The following LRRC4C variants were observed in gnomAD, a reference collection of about 807,000 sequenced individuals.
The protein encoded by LRRC4C is leucine rich repeat containing 4C.
Under a neutral mutation model 33.6 loss-of-function variants are expected in LRRC4C, and 5 were observed. The ratio of observed to expected loss-of-function variants is 0.15; its 90% CI spans 0.08 to 0.31. The LOEUF is 0.31. Among genes scored for constraint, LRRC4C ranks in the 10% least tolerant of loss-of-function variants. The pLI is 1.00. For missense variants in LRRC4C, 560 were observed against 796.7 expected, an observed-to-expected ratio of 0.70 and a Z score of 3.58; for synonymous variants, 329 against 302.0, an observed-to-expected ratio of 1.09 and a Z score of -0.93.
intron 2 of LRRC4C, among the ~76,000 whole-genome samples, chr11:40,654,286 G>A (rs1364655230): frequency 6.6e-6 from 1 of 152,148 alleles, no homozygotes; most frequent in Non-Finnish European, 1.5e-5. Context: ...ACTGTGTGCT[G>A]GGAAAAGCCA....
chr11:40,423,876 G>A (rs998305034), intron 3 of LRRC4C, among the ~76,000 whole-genome samples: 2 of 152,052 alleles, frequency 1.3e-5, no homozygotes, highest in Non-Finnish European at 2.9e-5. Context: ...AAAGTGTATT[G>A]TATATTTCAT....
Position 40,775,864 on chromosome 11 carries a change from G to A in LRRC4C, c.-406-127586C>T, listed in dbSNP as rs987551461. The stretch of plus-strand genomic sequence containing the variant: ...TTATTATCTTGTACCCATTCTTAAG[G>A]GGAATGTTTTCTGCTTTTGACTGTT... On this transcript the variant is annotated intron_variant, in intron 2 of 6. Transcript: ENST00000528697. Among the ~76,000 whole-genome samples, 3 of 152,230 alleles carry A rather than the reference G, an allele frequency of 2.0e-5. No homozygotes were observed. The South Asian group carries it at 6.2e-4, about 32-fold the overall frequency.
intron 1 of LRRC4C, among the ~76,000 whole-genome samples, chr11:41,306,021 TAA>T (rs1158183443): frequency 2.7e-5 from 3 of 110,432 alleles, no homozygotes; most frequent in Admixed American, 8.9e-5. Flanking sequence ...TTTCTTTCTC[TAA>T]AAAAAAAAAA....
At chr11:40,950,020 C>T (rs966264750) in intron 1 of LRRC4C, among the ~76,000 whole-genome samples, 1 of 140,236 alleles carries the variant, frequency 7.1e-6, no homozygotes, top group Non-Finnish European at 1.6e-5. Context: ...TTTCACCTCT[C>T]AATTTTTTTT....
intron 2 of LRRC4C, among the ~76,000 whole-genome samples, chr11:40,735,968 T>G (rs1370845610): frequency 6.6e-6 from 1 of 151,478 alleles, no homozygotes; most frequent in Non-Finnish European, 1.5e-5. Context: ...TTTTGAGAAG[T>G]GTCCGTTCAT....
chr11:40,711,484 C>T (rs907195774), intron 2 of LRRC4C, among the ~76,000 whole-genome samples: 2 of 152,028 alleles, frequency 1.3e-5, no homozygotes, highest in African/African-American at 4.8e-5. Flanking sequence ...AGAAATAATT[C>T]AGGTTATGGT....
chr11:40,690,491 A>G (rs1945173724), intron 2 of LRRC4C, among the ~76,000 whole-genome samples: 1 of 152,080 alleles, frequency 6.6e-6, no homozygotes, highest in Non-Finnish European at 1.5e-5. Context: ...GGAGTTGGAA[A>G]GCTTTATAGG....
At chr11:41,429,349 G>T (rs929805769) in intron 1 of LRRC4C, among the ~76,000 whole-genome samples, 1 of 151,988 alleles carries the variant, frequency 6.6e-6, no homozygotes, top group Non-Finnish European at 1.5e-5. Flanking sequence ...GCATGAGGAC[G>T]GACTAATACA....
intron 1 of LRRC4C, among the ~76,000 whole-genome samples, chr11:41,215,990 G>C (rs1947045748): frequency 6.6e-6 from 1 of 152,092 alleles, no homozygotes; most frequent in Non-Finnish European, 1.5e-5. Context: ...TTGAAACAAA[G>C]CACACACATA....
At chr11:40,806,790 T>C (rs764983116) in intron 2 of LRRC4C, among the ~76,000 whole-genome samples, 1 of 152,170 alleles carries the variant, frequency 6.6e-6, no homozygotes, top group African/African-American at 2.4e-5. Context: ...TTAGAATCTA[T>C]CAGTATTTCT....
intron 1 of LRRC4C, among the ~76,000 whole-genome samples, chr11:40,995,959 G>C (rs186407707): frequency 4.6e-4 from 70 of 152,214 alleles, no homozygotes; most frequent in African/African-American, 1.6e-3. Context: ...ACTCTAATAT[G>C]AGTATTAGAT....
At chr11:41,190,174 T>C (rs772594998) in intron 1 of LRRC4C, among the ~76,000 whole-genome samples, 1 of 152,146 alleles carries the variant, frequency 6.6e-6, no homozygotes, top group Non-Finnish European at 1.5e-5. Context: ...TCTGTAGAAG[T>C]AGAGAGGTCT....
chr11:41,070,100 C>A (rs1006545584), intron 1 of LRRC4C, among the ~76,000 whole-genome samples: 1 of 152,128 alleles, frequency 6.6e-6, no homozygotes, highest in African/African-American at 2.4e-5. Flanking sequence ...ACAGGGACTT[C>A]AGAACTAACA....
intron 1 of LRRC4C, among the ~76,000 whole-genome samples, chr11:41,436,762 A>T (rs1955442658): frequency 6.6e-6 from 1 of 152,172 alleles, no homozygotes; most frequent in South Asian, 2.1e-4. Flanking sequence ...CACAGCATCA[A>T]ATGACCTATA....
chr11:40,824,608 T>C (rs1278504015), intron 2 of LRRC4C, among the ~76,000 whole-genome samples: 1 of 151,926 alleles, frequency 6.6e-6, no homozygotes, highest in Non-Finnish European at 1.5e-5. Flanking sequence ...TCTAAATTCA[T>C]GAACGTTACA....
intron 3 of LRRC4C, among the ~76,000 whole-genome samples, chr11:40,630,430 T>G (rs1963389371): frequency 6.6e-6 from 1 of 151,142 alleles, no homozygotes; most frequent in Non-Finnish European, 1.5e-5. Flanking sequence ...TCTTTTTTTT[T>G]TTTGATAGTC....
intron 2 of LRRC4C, among the ~76,000 whole-genome samples, chr11:40,828,793 C>T (rs1952279269): frequency 1.3e-5 from 2 of 151,824 alleles, no homozygotes; most frequent in African/African-American, 2.4e-5. Flanking sequence ...AACTCTGCAT[C>T]TGAAATGTTA....
intron 2 of LRRC4C, among the ~76,000 whole-genome samples, chr11:40,806,627 A>T (rs1025568072): frequency 4.6e-5 from 7 of 152,250 alleles, no homozygotes; most frequent in African/African-American, 4.8e-5. Context: ...AGTGGATAAG[A>T]CCACAAATAT....
chr11:41,316,271 A>AAAAC (rs1555145063), intron 1 of LRRC4C, among the ~76,000 whole-genome samples: 5 of 149,320 alleles, frequency 3.3e-5, no homozygotes, highest in African/African-American at 1.2e-4. Context: ...GCAAAAAAAA[A>AAAAC]AAAAAAAACA....
Sources: gnomAD v4.1 joint callset for allele counts (sites outside exome capture counted in the v4.1 genomes callset) on GRCh38, gnomAD v4.1.1 for gene constraint, MANE v1.5 for transcripts, NCBI Gene and HGNC (gene_info 2026-07-23, HGNC 2026-07-21) for gene names.